TLN2: variants seen among roughly 807,000 people sequenced by gnomAD.
TLN2 encodes the protein talin 2, also known as talin-2.
A neutral mutation model predicts 294.7 loss-of-function variants in TLN2; 118 were observed. That is an observed-to-expected ratio of 0.40 (90% confidence interval 0.34 to 0.47). TLN2 has a LOEUF of 0.47. Ranked by LOEUF, TLN2 falls within the 20% of genes least tolerant of loss-of-function variation. The pLI, the probability that TLN2 is intolerant of heterozygous loss-of-function variation, is 0.84. For missense variants in TLN2, 3,083 were observed against 3,282.2 expected, an observed-to-expected ratio of 0.94 and a Z score of 1.48; for synonymous variants, 1,431 against 1,304.5, an observed-to-expected ratio of 1.10 and a Z score of -2.09.
intron 52 of TLN2, among the ~76,000 whole-genome samples, chr15:62,812,559 A>G (rs1364419157): frequency 2.6e-5 from 4 of 152,194 alleles, no homozygotes; most frequent in Non-Finnish European, 5.9e-5. Flanking sequence ...TTCGTAAGGA[A>G]GGGCAGGTGC....
intron 1 of TLN2, among the ~76,000 whole-genome samples, chr15:62,517,595 A>G (rs894016100): frequency 2.0e-5 from 3 of 152,172 alleles, no homozygotes; most frequent in South Asian, 4.1e-4. Context: ...CCCCTTTTGT[A>G]AACAAAAAAA....
chr15:62,805,454 C>G, intron 50 of TLN2, 146 bp from the exon 51 acceptor site: 1 of 797,838 alleles, frequency 1.3e-6, no homozygotes, highest in Non-Finnish European at 1.9e-6. Flanking sequence ...TATTACTGTA[C>G]TCAAATTTCT....
intron 32 of TLN2, among the ~76,000 whole-genome samples, chr15:62,744,615 C>T (rs1181211583): frequency 2.6e-5 from 4 of 151,946 alleles, no homozygotes; most frequent in Admixed American, 6.5e-5. Context: ...GGCGCGATCT[C>T]GGCTCACTGC....
intron 42 of TLN2, among the ~76,000 whole-genome samples, chr15:62,774,747 T>C (rs1428646359): frequency 6.6e-6 from 1 of 152,132 alleles, no homozygotes; most frequent in African/African-American, 2.4e-5. Context: ...AAGGATATGC[T>C]TTTATAGATT....
rs142163046 is a variant in TLN2, at chr15:62,443,050, T to A, written c.-238+52365T>A. Among the ~76,000 whole-genome samples the A allele has an allele frequency of 3.0e-3, 455 of 152,308 alleles. 2 individuals carry two copies. Among genetic ancestry groups the A allele is most frequent in the South Asian group, 0.017 (80 of 4,828 alleles). ...TCCTACCTCCCCTCTTTTCAGGACCTTTGTGATTACACGAGGTGCACCTGG... is the reference window on the plus strand; with the variant it reads ...TCCTACCTCCCCTCTTTTCAGGACCATTGTGATTACACGAGGTGCACCTGG... On this transcript the variant is annotated intron_variant, in intron 1 of 58. Coordinates refer to ENST00000636159, the MANE Select transcript of TLN2 (RefSeq NM_015059.3).
intron 1 of TLN2, among the ~76,000 whole-genome samples, chr15:62,424,089 C>G (rs1418586970): frequency 1.3e-5 from 2 of 152,148 alleles, no homozygotes; most frequent in Non-Finnish European, 2.9e-5. Flanking sequence ...GCATAAGTTC[C>G]TAACTGTCCA....
At chr15:62,535,554 T>C (rs1352184526) in intron 1 of TLN2, among the ~76,000 whole-genome samples, 1 of 138,312 alleles carries the variant, frequency 7.2e-6, no homozygotes, top group African/African-American at 2.8e-5. Flanking sequence ...TTAGATAACT[T>C]GATTTTTTTT....
chr15:62,713,318 C>CATCT (rs1338164792), intron 22 of TLN2, among the ~76,000 whole-genome samples: 1 of 150,668 alleles, frequency 6.6e-6, no homozygotes. Flanking sequence ...AGTGTCTCCA[C>CATCT]ATCTTACCTC....
intron 30 of TLN2, among the ~76,000 whole-genome samples, chr15:62,738,933 G>A (rs1165968620): frequency 2.6e-5 from 4 of 152,206 alleles, no homozygotes; most frequent in East Asian, 1.9e-4. Context: ...TTGGAAGAAC[G>A]TGATTTGAAG....
At chr15:62,542,728 C>G (rs1032497493) in intron 1 of TLN2, among the ~76,000 whole-genome samples, 1 of 152,070 alleles carries the variant, frequency 6.6e-6, no homozygotes, top group African/African-American at 2.4e-5. Context: ...ATCCCTTGTC[C>G]TAGGACTGTC....
intron 1 of TLN2, among the ~76,000 whole-genome samples, chr15:62,496,071 A>T (rs1307826986): frequency 6.6e-6 from 1 of 152,192 alleles, no homozygotes; most frequent in African/African-American, 2.4e-5. Flanking sequence ...ATTGTAGTGG[A>T]TGGAAAGGGT....
At chr15:62,653,842 T>A (rs557872686) in intron 7 of TLN2, among the ~76,000 whole-genome samples, 3 of 152,350 alleles carry the variant, frequency 2.0e-5, no homozygotes, top group African/African-American at 7.2e-5. Context: ...TTCATTATTG[T>A]CTAAAAATTT....
intron 2 of TLN2, among the ~76,000 whole-genome samples, chr15:62,594,088 C>T (rs930994638): frequency 2.6e-5 from 4 of 152,176 alleles, no homozygotes; most frequent in Admixed American, 1.3e-4. Flanking sequence ...AAATATGCTA[C>T]AAAGTGATAG....
At chr15:62,631,079 A>G (rs2049768955) in intron 3 of TLN2, among the ~76,000 whole-genome samples, 1 of 152,200 alleles carries the variant, frequency 6.6e-6, no homozygotes, top group East Asian at 1.9e-4. Context: ...AATCAGGGGA[A>G]TATGGATATA....
At chr15:62,495,401 C>G (rs1339902843) in intron 1 of TLN2, among the ~76,000 whole-genome samples, 1 of 152,128 alleles carries the variant, frequency 6.6e-6, no homozygotes, top group Admixed American at 6.5e-5. Context: ...GCCTGTTGAC[C>G]CCAACTGTGA....
chr15:62,828,451 G>A (rs1036322005), intron 54 of TLN2: 1 of 152,252 alleles, frequency 6.6e-6, no homozygotes, highest in African/African-American at 2.4e-5. Context: ...CAGAGTAGAA[G>A]CTTAGTTTGT....
At position 62,761,788 on chromosome 15, in the gene TLN2, G is replaced by A; in HGVS notation, c.4746G>A (p.Glu1582=). 1 of 1,614,172 alleles carries A rather than the reference G, an allele frequency of 6.2e-7. No homozygotes were observed. The highest frequency in any genetic ancestry group is 8.5e-7 in the Non-Finnish European group (1 of 1,180,034). ...ENLTAFASNP[E]FVSIPAQISS... ...TGACAGCGTTCGCCTCAAACCCTGA[G>A]TTTGTCAGCATTCCTGCCCAGATCA... Residue 1582 remains glutamate, a synonymous_variant, in exon 38 of 59, where the codon GAG becomes GAA. Coordinates refer to ENST00000636159, the MANE Select transcript of TLN2 (RefSeq NM_015059.3).
chr15:62,524,525 C>G (rs2040632596), intron 1 of TLN2, among the ~76,000 whole-genome samples: 1 of 152,130 alleles, frequency 6.6e-6, no homozygotes, highest in Non-Finnish European at 1.5e-5. Context: ...TTTCTCCTTT[C>G]TGAACCTTGG....
rs377481297 is a variant in TLN2, at chr15:62,711,960, C to T, written c.2517C>T (p.Leu839=). 48 of 1,614,114 alleles carry T rather than the reference C, an allele frequency of 3.0e-5. No individual in the cohort carries two copies. Among genetic ancestry groups the T allele is most frequent in the Admixed American group, 1.0e-4 (6 of 60,024 alleles). Residue 839 remains leucine (L), a synonymous_variant, in exon 22 of 59, where the codon CTC becomes CTT. Coordinates refer to ENST00000636159, the MANE Select transcript of TLN2 (RefSeq NM_015059.3). ...TTCTGGCCCAAGCCACATCAGACCT[C>T]GTCAATGCCATGAGGTCAGATGCAG... The part of the protein sequence containing the change: ...ARVLAQATSD[L]VNAMRSDAEA...
Sources: gnomAD v4.1 joint callset for allele counts (sites outside exome capture counted in the v4.1 genomes callset) on GRCh38, gnomAD v4.1.1 for gene constraint, MANE v1.5 for transcripts, NCBI Gene and HGNC (gene_info 2026-07-23, HGNC 2026-07-21) for gene names.